Variants in TLE3 observed in about 807,000 individuals in gnomAD.
TLE3 encodes the protein TLE family member 3, transcriptional corepressor.
A neutral mutation model predicts 93.0 loss-of-function variants in TLE3; 14 were observed. The observed-to-expected ratio is 0.15, with a 90% CI of 0.10 to 0.24. TLE3 has a LOEUF of 0.24. Among genes scored for constraint, TLE3 ranks in the 10% least tolerant of loss-of-function variants. The pLI is 1.00. For missense variants in TLE3, 693 were observed against 1,046.6 expected, an observed-to-expected ratio of 0.66 and a Z score of 4.66; for synonymous variants, 451 against 425.0, an observed-to-expected ratio of 1.06 and a Z score of -0.75.
chr15:70,075,967 A>G, intron 5 of TLE3, 129 bp downstream of exon 5: 1 of 808,444 alleles, frequency 1.2e-6, no homozygotes, highest in East Asian at 2.5e-5. Flanking sequence ...CCAGGTTGTC[A>G]GCTCAGTCAG....
At chr15:70,087,093 G>A (rs545989375) in intron 4 of TLE3, among the ~76,000 whole-genome samples, 1 of 152,324 alleles carries the variant, frequency 6.6e-6, no homozygotes, top group East Asian at 1.9e-4. Flanking sequence ...AGAACCCTGA[G>A]CTGGAATATT....
chr15:70,096,080 C>G (rs1200941511), intron 2 of TLE3, 81 bp downstream of exon 2: 57 of 1,461,408 alleles, frequency 3.9e-5, no homozygotes, highest in Middle Eastern at 2.2e-4. Flanking sequence ...GAGCCCCCTC[C>G]GTCCCCGCGG....
chr15:70,060,480 CT>C (rs776716229), intron 9 of TLE3, 49 bp downstream of exon 9: 2 of 1,608,988 alleles, frequency 1.2e-6, no homozygotes, highest in Non-Finnish European at 1.7e-6. Context: ...CAGACACCCC[CT>C]GCCCTACCCA....
chr15:70,072,249 G>A (rs2057223809), intron 6 of TLE3, among the ~76,000 whole-genome samples: 1 of 152,166 alleles, frequency 6.6e-6, no homozygotes, highest in Non-Finnish European at 1.5e-5. Context: ...GCTAATCCAA[G>A]CAGTGCTTCT....
intron 4 of TLE3, among the ~76,000 whole-genome samples, chr15:70,091,922 G>C (rs1002630437): frequency 2.0e-5 from 3 of 152,196 alleles, no homozygotes; most frequent in African/African-American, 7.2e-5. Flanking sequence ...CACTTCCCAA[G>C]GTGCTAGCTC....
intron 4 of TLE3, among the ~76,000 whole-genome samples, chr15:70,093,227 A>T (rs1429485300): frequency 1.3e-5 from 2 of 152,234 alleles, no homozygotes; most frequent in Non-Finnish European, 2.9e-5. Context: ...AGGAAGCCAC[A>T]AGCTGGCTTC....
At chr15:70,067,314 C>T (rs630603) in intron 6 of TLE3, among the ~76,000 whole-genome samples, 8,559 of 152,234 alleles carry the variant, frequency 0.056, 869 homozygotes, top group African/African-American at 0.2. Flanking sequence ...TTCTTCTCAA[C>T]TAGTGCAAGA....
chr15:70,053,001 G>T lies in TLE3; in HGVS notation c.1974+226C>A, dbSNP rs1417116303. 2.3e-5 allele frequency: 12 copies of T among 532,088 alleles called. No individual in the cohort carries two copies. The Admixed American group carries it at 4.0e-4, about 18-fold the overall frequency. The allele number at this position is 532,088 out of a possible 1,614,324, so 33.0% of individuals were successfully genotyped here. A position where few individuals can be genotyped will look rare whatever the true frequency, so the allele number is the denominator to read the frequency against. On this transcript the variant is annotated intron_variant, in intron 17 of 19. Coordinates refer to ENST00000451782, the MANE Select transcript of TLE3 (RefSeq NM_001105192.3). ...AAAGTGCTCAATAGCAGCAGAGAAT[G>T]AATCGAATTTCCACAGTTGGGCCAA...
At position 70,082,372 on chromosome 15, in the gene TLE3, G is replaced by C. The variant is rs542074905; in HGVS notation, c.235-6214C>G. Among the ~76,000 whole-genome samples, 44 of 152,252 alleles carry C rather than the reference G, an allele frequency of 2.9e-4. 1 individual carries two copies. In the South Asian group the frequency reaches 8.9e-3, roughly 31 times the overall value. Reference sequence around the variant, plus strand: ...AACAAAAGCTGGGGTGGGGTTCTCAGGCCCTGCTCCATCCACGCCATGGGC... The same window carrying C: ...AACAAAAGCTGGGGTGGGGTTCTCACGCCCTGCTCCATCCACGCCATGGGC... On this transcript the variant is annotated intron_variant, in intron 4 of 19. Transcript: ENST00000451782.
intron 6 of TLE3, among the ~76,000 whole-genome samples, chr15:70,068,798 C>T (rs1301947214): frequency 6.6e-6 from 1 of 152,224 alleles, no homozygotes; most frequent in Non-Finnish European, 1.5e-5. Context: ...CTTCTAGGCT[C>T]AGCTTTGCCC....
At chr15:70,085,327 T>C (rs146355581) in intron 4 of TLE3, among the ~76,000 whole-genome samples, 11 of 152,296 alleles carry the variant, frequency 7.2e-5, no homozygotes, top group Non-Finnish European at 1.2e-4. Context: ...TGGTGCTCTA[T>C]ACCTAACTCT....
Position 70,096,247 on chromosome 15 carries a change from G to C in TLE3, c.39C>G (p.Pro13=), listed in dbSNP as rs913884220. ...CCGTGAATTTAAATCCCGGCTGCCC[G>C]GGTTGATGGGGAGCCTGGAGCCCGC... is the stretch of plus-strand genomic sequence containing the variant. ...PQGRHPAPHQ[P]GQPGFKFTVA... The change falls in exon 2 of 20, where the codon CCC becomes CCG. Residue 13 remains proline (P), a synonymous_variant. Transcript: ENST00000451782. 8.4e-6 allele frequency: 13 copies of C among 1,554,404 alleles called. No homozygotes were observed. The highest frequency in any genetic ancestry group is 1.1e-5 in the Non-Finnish European group (13 of 1,148,796).
intron 4 of TLE3, among the ~76,000 whole-genome samples, chr15:70,085,204 TCAAA>T (rs1366470520): frequency 6.6e-6 from 1 of 151,952 alleles, no homozygotes; most frequent in Non-Finnish European, 1.5e-5. Flanking sequence ...ATCACAGAGG[TCAAA>T]CAGTCTGCTC....
chr15:70,081,121 C>T (rs2057756922), intron 4 of TLE3, among the ~76,000 whole-genome samples: 1 of 152,212 alleles, frequency 6.6e-6, no homozygotes, highest in South Asian at 2.1e-4. Context: ...GCTTCTACCT[C>T]CAATTCTGCC....
At chr15:70,062,425 CG>C (rs1043423403) in intron 8 of TLE3, among the ~76,000 whole-genome samples, 1 of 152,202 alleles carries the variant, frequency 6.6e-6, no homozygotes, top group African/African-American at 2.4e-5. Flanking sequence ...CCTCGCGACC[CG>C]GTGCTCGGCT....
intron 12 of TLE3, 24 bp from the exon 13 acceptor site, chr15:70,057,682 G>A: frequency 1.3e-6 from 2 of 1,549,280 alleles, no homozygotes; most frequent in Admixed American, 1.9e-5. Context: ...GCGTCAGGGA[G>A]GTGGGCCTTA....
At chr15:70,052,027 AC>A (rs370789038) in intron 18 of TLE3, among the ~76,000 whole-genome samples, 40 of 152,352 alleles carry the variant, frequency 2.6e-4, no homozygotes, top group African/African-American at 9.1e-4. Flanking sequence ...GGAGGAGCAG[AC>A]ATTCCCATCC....
chr15:70,091,339 G>A (rs1236666418), intron 4 of TLE3, among the ~76,000 whole-genome samples: 1 of 152,242 alleles, frequency 6.6e-6, no homozygotes, highest in Non-Finnish European at 1.5e-5. Context: ...GAGAGCCAGT[G>A]CCTCAAATCC....
At chr15:70,065,100 G>A (rs1433849283) in intron 7 of TLE3, among the ~76,000 whole-genome samples, 1 of 152,116 alleles carries the variant, frequency 6.6e-6, no homozygotes, top group African/African-American at 2.4e-5. Context: ...CCATCCTACT[G>A]TAAGACAAAA....
Sources: allele counts gnomAD v4.1 joint callset (sites outside exome capture counted in the v4.1 genomes callset), GRCh38; gene constraint gnomAD v4.1.1; transcripts MANE v1.5; gene names NCBI Gene and HGNC (gene_info 2026-07-23, HGNC 2026-07-21).